Variants in RYR2 observed in about 807,000 individuals in gnomAD.
The protein encoded by RYR2 is ryanodine receptor 2, also known as cardiac muscle ryanodine receptor-calcium release channel.
Under a neutral mutation model 601.1 loss-of-function variants are expected in RYR2, and 227 were observed. The observed-to-expected ratio is 0.38, with a 90% CI of 0.34 to 0.42. The LOEUF (loss-of-function observed/expected upper bound fraction) is 0.42, where lower values mean the gene tolerates loss of function less well. RYR2 is among the 10% of genes least tolerant of loss of function. RYR2 has a pLI of 1.00. For missense variants in RYR2, 4,646 were observed against 6,156.5 expected (o/e 0.75, Z 8.21); for synonymous variants, 2,223 against 2,175.1 (o/e 1.02, Z -0.61).
intron 62 of RYR2, among the ~76,000 whole-genome samples, chr1:237,682,227 A>G (rs999824994): frequency 4.6e-5 from 7 of 152,130 alleles, no homozygotes; most frequent in African/African-American, 1.7e-4. Flanking sequence ...TCATGGAACT[A>G]TACACCAAAA....
At position 237,503,428 on chromosome 1, in the gene RYR2, TAC is replaced by T. The variant is rs1558931591; in HGVS notation, c.2541_2542del (p.Asp849ProfsTer42). 1 of 1,613,764 alleles carries T rather than the reference TAC, an allele frequency of 6.2e-7. No individual in the cohort carries two copies. The highest frequency in any genetic ancestry group is 8.5e-7 in the Non-Finnish European group (1 of 1,179,890). The part of the protein sequence containing the change: ...HSREYKQERT[Y>X]TRDLLGPTVS... ...CCGAGAGTACAAGCAAGAAAGAACT[TAC>T]ACACGCGACCTGCTGGGCCCCACAG... On this transcript the variant is annotated frameshift_variant, in exon 22 of 105. Coordinates refer to ENST00000366574, the MANE Select transcript of RYR2 (RefSeq NM_001035.3). LOFTEE classifies it high-confidence loss of function.
chr1:237,504,752 T>C (rs1665037276), intron 22 of RYR2, among the ~76,000 whole-genome samples: 1 of 152,200 alleles, frequency 6.6e-6, no homozygotes, highest in Non-Finnish European at 1.5e-5. Context: ...ACACCGATCT[T>C]AGAGTGTAGT....
At chr1:237,754,974 C>T in intron 80 of RYR2, 2 of 711,220 alleles carry the variant, frequency 2.8e-6, no homozygotes, top group Non-Finnish European at 4.1e-6. Context: ...TTAGGCCTAT[C>T]ACATAATTTA....
rs548649814 is a variant in RYR2, at chr1:237,259,679, G to A, written c.49-10818G>A. Among the ~76,000 whole-genome samples the A allele has an allele frequency of 2.6e-5, 4 of 152,114 alleles. No homozygotes were observed. In the South Asian group the frequency reaches 6.2e-4, roughly 24 times the overall value. The stretch of plus-strand genomic sequence containing the variant: ...GGCTTATACAGTAAACATGTGAAAG[G>A]TACAGTTGACTTCTCTGCTTGAATT... On this transcript the variant is annotated intron_variant, in intron 1 of 104. Transcript: ENST00000366574.
chr1:237,619,828 C>T lies in RYR2; in HGVS notation c.5916+2342C>T, dbSNP rs112917961. Among the ~76,000 whole-genome samples, 56 of 152,132 alleles carry T rather than the reference C, an allele frequency of 3.7e-4. 1 individual carries two copies. Among genetic ancestry groups the T allele is most frequent in the African/African-American group, 1.3e-3 (53 of 41,540 alleles). ...AATTTTCAAATGCTGAAAGAAGAGA[C>T]GATCACCTCAGAGTTCTATGTACTT... is the stretch of plus-strand genomic sequence containing the variant. On this transcript the variant is annotated intron_variant, in intron 38 of 104. Transcript: ENST00000366574.
chr1:237,278,930 GTTCCTTTGATAATA>G (rs1266417318), intron 2 of RYR2, among the ~76,000 whole-genome samples: 2 of 152,122 alleles, frequency 1.3e-5, no homozygotes, highest in Non-Finnish European at 2.9e-5. Context: ...TTAAACTAAT[GTTCCTTTGATAATA>G]TTTGGGTTAT....
At chr1:237,722,530 T>C (rs1573672768) in intron 73 of RYR2, among the ~76,000 whole-genome samples, 1 of 150,892 alleles carries the variant, frequency 6.6e-6, no homozygotes, top group Non-Finnish European at 1.5e-5. Context: ...GCCTCCCGGG[T>C]TCACGCTGTT....
At chr1:237,566,844 T>C (rs1672138567) in intron 28 of RYR2, 69 bp downstream of exon 28, 14 of 1,505,156 alleles carry the variant, frequency 9.3e-6, no homozygotes, top group Non-Finnish European at 1.2e-5. Flanking sequence ...CTGTTCCTCT[T>C]GGTAGCTTCA....
intron 39 of RYR2, among the ~76,000 whole-genome samples, chr1:237,624,176 T>C (rs1679400224): frequency 6.6e-6 from 1 of 152,180 alleles, no homozygotes; most frequent in Non-Finnish European, 1.5e-5. Flanking sequence ...CAGGTGCCTC[T>C]GGCAGGGAGG....
chr1:237,441,439 T>A lies in RYR2; in HGVS notation c.1126T>A (p.Ser376Thr). The part of the protein sequence containing the change: ...VDTGLWLTYQ[S>T]VDVKSVRMGS... Reference sequence around the variant, plus strand: ...CACAGGCCTATGGCTTACTTACCAGTCTGTGGACGTGAAATCCGTGAGAAT... The same window carrying A: ...CACAGGCCTATGGCTTACTTACCAGACTGTGGACGTGAAATCCGTGAGAAT... Residue 376 changes from serine (S) to threonine (T), a missense_variant, in exon 13 of 105, where the codon TCT becomes ACT. This residue lies in a region of RYR2 where 1,807 missense variants were observed against 2,088.1 expected (regional missense o/e 0.87). Transcript: ENST00000366574. 1.2e-6 allele frequency: 2 copies of A among 1,604,244 alleles called. No individual in the cohort carries two copies. Among genetic ancestry groups the A allele is most frequent in the Non-Finnish European group, 1.7e-6 (2 of 1,174,234 alleles).
intron 1 of RYR2, among the ~76,000 whole-genome samples, chr1:237,129,304 C>A (rs1671892193): frequency 6.6e-6 from 1 of 152,196 alleles, no homozygotes; most frequent in East Asian, 1.9e-4. Flanking sequence ...ATTTTGGACA[C>A]ATATTCCTGT....
chr1:237,770,968 TC>T, intron 85 of RYR2, 81 bp downstream of exon 85: 1 of 780,250 alleles, frequency 1.3e-6, no homozygotes, highest in Non-Finnish European at 2.1e-6. Flanking sequence ...GCCTGTTAGT[TC>T]CAATTATGCA....
chr1:237,051,324 C>T (rs1661252788), intron 1 of RYR2, among the ~76,000 whole-genome samples: 1 of 134,762 alleles, frequency 7.4e-6, no homozygotes, highest in African/African-American at 2.8e-5. Flanking sequence ...CTCTCTCCCT[C>T]CCCTCCCCTC....
At chr1:237,110,084 A>G (rs1399987937) in intron 1 of RYR2, among the ~76,000 whole-genome samples, 1 of 151,858 alleles carries the variant, frequency 6.6e-6, no homozygotes, top group East Asian at 1.9e-4. Flanking sequence ...TTCTTTGTGG[A>G]ATGATAGGCC....
At chr1:237,241,243 C>A (rs1408033181) in intron 1 of RYR2, among the ~76,000 whole-genome samples, 2 of 152,198 alleles carry the variant, frequency 1.3e-5, no homozygotes, top group Non-Finnish European at 2.9e-5. Flanking sequence ...TCTATGGTGT[C>A]ATCCATGTAT....
chr1:237,687,366 CTTTTTTTT>C (rs10679267), intron 62 of RYR2, 81 bp from the exon 63 acceptor site: 3 of 259,150 alleles, frequency 1.2e-5, no homozygotes, highest in African/African-American at 3.2e-5. Context: ...TTTTCTTCTT[CTTTTTTTT>C]TTTTTTTTTT....
chr1:237,628,566 C>G (rs1383184722), intron 41 of RYR2, among the ~76,000 whole-genome samples: 1 of 151,926 alleles, frequency 6.6e-6, no homozygotes, highest in African/African-American at 2.4e-5. Context: ...TTTTTTATGG[C>G]TGCATAGTAT....
rs1312211521 is a variant in RYR2 at position 237,614,592 on chromosome 1, A to G, written c.5464A>G (p.Ile1822Val). 1.2e-6 allele frequency: 2 copies of G among 1,613,934 alleles called. No individual in the cohort carries two copies. Among genetic ancestry groups the G allele is most frequent in the Non-Finnish European group, 1.7e-6 (2 of 1,179,908 alleles). ...TACTGAATTCCTCTTTGTACCTCTC[A>G]TCAAGCTTTTCTATACCCTGCTGAT... ...GTTEFLFVPLIKLFYTLLIMG... is the reference protein window; with the variant it reads ...GTTEFLFVPLVKLFYTLLIMG... The change falls in exon 37 of 105, where the codon ATC (isoleucine) becomes GTC (valine). Residue 1822 changes from isoleucine (I) to valine (V), a missense_variant. Physicochemically the swap from Ile to Val is conservative, Grantham distance 29. Transcript: ENST00000366574. The surrounding 1 kb of genome is among the most constrained non-coding windows in gnomAD (Gnocchi z 4.3).
At chr1:237,375,756 G>A (rs1700980464) in intron 7 of RYR2, among the ~76,000 whole-genome samples, 1 of 152,080 alleles carries the variant, frequency 6.6e-6, no homozygotes, top group African/African-American at 2.4e-5. Flanking sequence ...ATTTTTGCTA[G>A]TTTTTTAGTT....
Sources: allele counts gnomAD v4.1 joint callset (sites outside exome capture counted in the v4.1 genomes callset), GRCh38; gene constraint gnomAD v4.1.1; regional missense constraint gnomAD v4.1.1; non-coding constraint Gnocchi (gnomAD v3.1); transcripts MANE v1.5; gene names NCBI Gene and HGNC (gene_info 2026-07-23, HGNC 2026-07-21).